Variants in CFDP1 observed in about 807,000 individuals in gnomAD.
The protein encoded by CFDP1 is chromatin remodeling protein CFDP1.
A neutral mutation model predicts 40.1 loss-of-function variants in CFDP1; 31 were observed. That is an observed-to-expected ratio of 0.77 (90% CI 0.58 to 1.04). CFDP1 has a LOEUF of 1.04. Among genes scored for constraint, CFDP1 ranks in the 50% least tolerant of loss-of-function variants. The pLI is 0.00. For synonymous variants in CFDP1, 167 were observed against 120.0 expected, an observed-to-expected ratio of 1.39 and a Z score of -2.56; for missense variants, 423 against 343.4, an observed-to-expected ratio of 1.23 and a Z score of -1.83.
chr16:75,363,861 C>T (rs957102834), intron 5 of CFDP1, among the ~76,000 whole-genome samples: 1 of 151,724 alleles, frequency 6.6e-6, no homozygotes, highest in Non-Finnish European at 1.5e-5. Flanking sequence ...GAACCAAGTA[C>T]TGAACTGAGA....
intron 5 of CFDP1, chr16:75,325,176 G>C (rs1274222471): frequency 6.6e-6 from 1 of 152,350 alleles, no homozygotes; most frequent in Non-Finnish European, 1.5e-5. Flanking sequence ...ATACCCAACA[G>C]CCTTGAGGGC....
intron 5 of CFDP1, among the ~76,000 whole-genome samples, chr16:75,379,335 CA>C (rs1216812498): frequency 5.0e-5 from 5 of 100,856 alleles, no homozygotes; most frequent in Admixed American, 1.2e-4. Context: ...CAAGACTGAC[CA>C]AAAAAAAAAG....
chr16:75,353,923 T>A (rs2078629623), intron 5 of CFDP1, among the ~76,000 whole-genome samples: 1 of 152,170 alleles, frequency 6.6e-6, no homozygotes, highest in African/African-American at 2.4e-5. Context: ...ATCTCTGTTC[T>A]AAGCCCCTTT....
intron 2 of CFDP1, among the ~76,000 whole-genome samples, chr16:75,414,262 A>G (rs574775406): frequency 1.3e-5 from 2 of 152,306 alleles, no homozygotes; most frequent in East Asian, 1.9e-4. Context: ...TGCACAGACT[A>G]TCTCTGGTAG....
chr16:75,359,921 GA>G (rs1258092296), intron 5 of CFDP1, among the ~76,000 whole-genome samples: 7 of 152,142 alleles, frequency 4.6e-5, no homozygotes, highest in Admixed American at 3.3e-4. Context: ...ACTCTCCAAA[GA>G]AAGCTGAAAA....
intron 6 of CFDP1, 102 bp downstream of exon 6, chr16:75,304,922 G>T: frequency 8.1e-7 from 1 of 1,235,148 alleles, no homozygotes; most frequent in Non-Finnish European, 1.1e-6. Flanking sequence ...GTTCCATCAT[G>T]AAAAGCTCCT....
At chr16:75,387,836 C>T (rs1384631447) in intron 5 of CFDP1, among the ~76,000 whole-genome samples, 1 of 151,440 alleles carries the variant, frequency 6.6e-6, no homozygotes, top group Non-Finnish European at 1.5e-5. Flanking sequence ...TTAAAATGTG[C>T]TAGACCTTCA....
At chr16:75,341,484 AT>A (rs2078526425) in intron 5 of CFDP1, among the ~76,000 whole-genome samples, 1 of 152,188 alleles carries the variant, frequency 6.6e-6, no homozygotes. Context: ...TCAAGAGAAG[AT>A]TGGTAGTTTT....
intron 4 of CFDP1, among the ~76,000 whole-genome samples, chr16:75,398,659 G>C (rs2151568269): frequency 6.6e-6 from 1 of 152,292 alleles, no homozygotes; most frequent in Admixed American, 6.5e-5. Flanking sequence ...CTATGTTGGA[G>C]AGATCATATG....
rs142314949 is a variant in CFDP1 at position 75,432,345 on chromosome 16, G to A, written c.64+944C>T. Reference sequence around the variant, plus strand: ...GAGCCCACGAGTTCGAGACCAGCCTGGGCAACATAGCAAGATGCCATTTCT... The same window carrying A: ...GAGCCCACGAGTTCGAGACCAGCCTAGGCAACATAGCAAGATGCCATTTCT... On this transcript the variant is annotated intron_variant, in intron 1 of 6. Coordinates refer to ENST00000283882, the MANE Select transcript of CFDP1 (RefSeq NM_006324.3). Among the ~76,000 whole-genome samples, 435 of 138,114 alleles carry A rather than the reference G, an allele frequency of 3.1e-3. 2 individuals are homozygous for A. Among genetic ancestry groups the A allele is most frequent in the African/African-American group, 0.011 (422 of 37,952 alleles). The allele number at this position is 138,114 out of a possible 152,430, so 90.6% of individuals were successfully genotyped here. A position where few individuals can be genotyped will look rare whatever the true frequency, so the allele number is the denominator to read the frequency against.
chr16:75,351,593 G>C (rs1423856437), intron 5 of CFDP1, among the ~76,000 whole-genome samples: 1 of 152,168 alleles, frequency 6.6e-6, no homozygotes, highest in Non-Finnish European at 1.5e-5. Context: ...TTAAATTCAT[G>C]AGTTCATAAT....
chr16:75,417,186 CA>C (rs2079216644), intron 1 of CFDP1, among the ~76,000 whole-genome samples: 1 of 152,042 alleles, frequency 6.6e-6, no homozygotes, highest in African/African-American at 2.4e-5. Context: ...AAAACAAAAA[CA>C]AATACCACCC....
chr16:75,339,559 C>T (rs1473249729), intron 5 of CFDP1, among the ~76,000 whole-genome samples: 1 of 151,934 alleles, frequency 6.6e-6, no homozygotes, highest in African/African-American at 2.4e-5. Flanking sequence ...TGCTGCATTA[C>T]TTCACCACTG....
At position 75,354,679 on chromosome 16, in the gene CFDP1, T is replaced by C. The variant is rs74746557; in HGVS notation, c.650+40411A>G. On this transcript the variant is annotated intron_variant, in intron 5 of 6. Coordinates refer to ENST00000283882, the MANE Select transcript of CFDP1 (RefSeq NM_006324.3). ...TCTAAAATGTGCTTCTTTTCTTAAA[T>C]GTGGTGGGGAAAGGGAAAAGTGCTG... is the stretch of plus-strand genomic sequence containing the variant. Among the ~76,000 whole-genome samples, 498 of 118,884 alleles carry C rather than the reference T, an allele frequency of 4.2e-3. 2 individuals carry two copies. Among genetic ancestry groups the C allele is most frequent in the African/African-American group, 0.013 (480 of 37,560 alleles). 78.0% of individuals were successfully genotyped at this position (118,884 alleles called of 152,430 possible). A position where few individuals can be genotyped will look rare whatever the true frequency, so the allele number is the denominator to read the frequency against.
chr16:75,418,674 G>A (rs1199323042), intron 1 of CFDP1, among the ~76,000 whole-genome samples: 17 of 150,078 alleles, frequency 1.1e-4, no homozygotes, highest in Non-Finnish European at 1.2e-4. Context: ...CATCATTCTG[G>A]TAACATCAAG....
intron 3 of CFDP1, 21 bp from the exon 4 acceptor site, chr16:75,411,973 G>GT (rs763380830): frequency 6.3e-7 from 1 of 1,575,716 alleles, no homozygotes; most frequent in South Asian, 1.2e-5. Flanking sequence ...AACAAGAAAT[G>GT]TAATGTTTCA....
chr16:75,331,596 T>C (rs146193904), intron 5 of CFDP1, among the ~76,000 whole-genome samples: 2 of 152,348 alleles, frequency 1.3e-5, no homozygotes, highest in South Asian at 2.1e-4. Flanking sequence ...CACAGATAAG[T>C]TCTACCTTGT....
intron 5 of CFDP1, among the ~76,000 whole-genome samples, chr16:75,309,819 CAAAAAAAAAAAAAA>C (rs1156624164): frequency 4.3e-5 from 2 of 46,482 alleles, no homozygotes; most frequent in African/African-American, 9.8e-5. Flanking sequence ...GACTCCATCT[CAAAAAAAAAAAAAA>C]AAAAAAAAAA....
In CFDP1 at chr16:75,412,537, T is replaced by A. The variant is rs201209631; in HGVS notation, c.400A>T (p.Lys134Ter). The A allele has an allele frequency of 1.2e-6, 2 of 1,612,864 alleles. No homozygotes were observed. The highest frequency in any genetic ancestry group is 2.2e-5 in the East Asian group (1 of 44,880). Residue 134 changes from lysine (K) to a stop codon, truncating the protein, a stop_gained and splice_region_variant, in exon 3 of 7, where the codon AAG becomes TAG. Coordinates refer to ENST00000283882, the MANE Select transcript of CFDP1 (RefSeq NM_006324.3). LOFTEE classifies it high-confidence loss of function. ...KSKVPPSTQV[K>*]KGEETEETSS... ...ACCTCACTAATGTCTCAACTTACCT[T>A]AACTTGTGTACTTGGGGGCACTTTT...
Sources: allele counts gnomAD v4.1 joint callset (sites outside exome capture counted in the v4.1 genomes callset), GRCh38; gene constraint gnomAD v4.1.1; transcripts MANE v1.5; gene names NCBI Gene and HGNC (gene_info 2026-07-23, HGNC 2026-07-21).